COL15A1: variants seen among roughly 807,000 people sequenced by gnomAD.
The protein encoded by COL15A1 is collagen alpha-1(XV) chain.
Under a neutral mutation model 165.9 loss-of-function variants are expected in COL15A1, and 111 were observed. That is an observed-to-expected ratio of 0.67 (90% CI 0.57 to 0.78). The LOEUF (loss-of-function observed/expected upper bound fraction) is 0.78. Ranked by LOEUF, COL15A1 falls within the 30% of genes least tolerant of loss-of-function variation. The pLI, the probability that COL15A1 is intolerant of heterozygous loss-of-function variation, is 0.00. For synonymous variants in COL15A1, 659 were observed against 674.8 expected, an observed-to-expected ratio of 0.98 and a Z score of 0.36; for missense variants, 1,745 against 1,789.7, an observed-to-expected ratio of 0.98 and a Z score of 0.45.
chr9:99,028,039 C>T (rs2119027886), intron 16 of COL15A1, among the ~76,000 whole-genome samples: 1 of 152,314 alleles, frequency 6.6e-6, no homozygotes, highest in East Asian at 1.9e-4. Flanking sequence ...TGCATACCTC[C>T]AGTGACAAGG....
chr9:99,025,872 G>A, intron 15 of COL15A1, 32 bp from the exon 16 acceptor site: 1 of 1,607,548 alleles, frequency 6.2e-7, no homozygotes, highest in Non-Finnish European at 8.5e-7. Context: ...TAGCAGAAAT[G>A]TTGTGGGTTG....
chr9:99,058,837 C>A (rs1396778262), intron 35 of COL15A1, among the ~76,000 whole-genome samples: 2 of 152,136 alleles, frequency 1.3e-5, no homozygotes, highest in African/African-American at 4.8e-5. Flanking sequence ...CATTTGCCAC[C>A]TGTGTGTGGG....
At chr9:98,951,390 A>G (rs562975382) in intron 2 of COL15A1, among the ~76,000 whole-genome samples, 9 of 152,170 alleles carry the variant, frequency 5.9e-5, no homozygotes, top group African/African-American at 2.2e-4. Flanking sequence ...AATTGCCCTC[A>G]CTGGGTTCTC....
intron 34 of COL15A1, 137 bp downstream of exon 34, chr9:99,055,509 C>A: frequency 1.6e-6 from 1 of 624,474 alleles, no homozygotes; most frequent in Admixed American, 2.9e-5. Flanking sequence ...CAGCTCTTTC[C>A]CCATCCTTGT....
rs1036438366 is a variant in COL15A1, at chr9:99,007,519, T to A, written c.1353+2469T>A. Among the ~76,000 whole-genome samples, 3 of 152,152 alleles carry A rather than the reference T, an allele frequency of 2.0e-5. No individual in the cohort carries two copies. The East Asian group carries it at 5.8e-4, about 29-fold the overall frequency. Reference sequence around the variant, plus strand: ...CTAGGAGGGTTTATTCCTAGACAGGTAGGTCCCATGTTATTAGGAAAGTTC... The same window carrying A: ...CTAGGAGGGTTTATTCCTAGACAGGAAGGTCCCATGTTATTAGGAAAGTTC... On this transcript the variant is annotated intron_variant, in intron 9 of 41. Coordinates refer to ENST00000375001, the MANE Select transcript of COL15A1 (RefSeq NM_001855.5).
At chr9:98,965,326 G>C (rs1330041801) in intron 2 of COL15A1, among the ~76,000 whole-genome samples, 1 of 152,176 alleles carries the variant, frequency 6.6e-6, no homozygotes, top group Non-Finnish European at 1.5e-5. Flanking sequence ...AAAAAGAATT[G>C]AGAGTAGCAA....
chr9:98,989,472 C>G (rs1474009368), intron 5 of COL15A1, among the ~76,000 whole-genome samples: 1 of 152,208 alleles, frequency 6.6e-6, no homozygotes, highest in African/African-American at 2.4e-5. Flanking sequence ...CAGTGCCACC[C>G]TGTGTGTGGC....
At chr9:99,060,256 A>ATTTT (rs57568579) in intron 36 of COL15A1, among the ~76,000 whole-genome samples, 16 of 137,162 alleles carry the variant, frequency 1.2e-4, no homozygotes, top group African/African-American at 4.5e-4. Context: ...ATATATATAT[A>ATTTT]TTTTTTTTTT....
chr9:99,061,929 C>T, intron 36 of COL15A1, 42 bp from the exon 37 acceptor site: 1 of 1,590,974 alleles, frequency 6.3e-7, no homozygotes. Flanking sequence ...TGCCATTCCT[C>T]TAATGATAAT....
At position 98,989,334 on chromosome 9, in the gene COL15A1, G is replaced by A. The variant is rs148206333; in HGVS notation, c.804+76G>A. 7.6e-3 allele frequency: 9,138 copies of A among 1,206,812 alleles called. 56 individuals are homozygous for A. Among genetic ancestry groups the A allele is most frequent in the Non-Finnish European group, 9.2e-3 (7,698 of 833,854 alleles). The allele number at this position is 1,206,812 out of a possible 1,614,324, so 74.8% of individuals were successfully genotyped here. ...TGAGAATTACTAGAGGGGGCCCAGA[G>A]TCCTGGGTCTGACCTCTTTGTTTCC... On this transcript the variant is annotated intron_variant, in intron 5 of 41. Coordinates refer to ENST00000375001, the MANE Select transcript of COL15A1 (RefSeq NM_001855.5).
intron 2 of COL15A1, among the ~76,000 whole-genome samples, chr9:98,954,738 G>A (rs972084630): frequency 1.3e-5 from 2 of 152,136 alleles, no homozygotes; most frequent in African/African-American, 4.8e-5. Flanking sequence ...GTTCAGACAG[G>A]CAATAATAAT....
At chr9:99,017,673 C>T (rs1838959189) in intron 11 of COL15A1, among the ~76,000 whole-genome samples, 1 of 152,076 alleles carries the variant, frequency 6.6e-6, no homozygotes, top group Non-Finnish European at 1.5e-5. Context: ...TCTGGATTGA[C>T]CCGCTCATGC....
chr9:99,019,501 C>T (rs1257679389), intron 11 of COL15A1, among the ~76,000 whole-genome samples: 1 of 151,916 alleles, frequency 6.6e-6, no homozygotes, highest in African/African-American at 2.4e-5. Flanking sequence ...AGGCGTGAGC[C>T]GCTGCACCCG....
chr9:98,954,424 T>A (rs1179330144), intron 2 of COL15A1, among the ~76,000 whole-genome samples: 1 of 152,176 alleles, frequency 6.6e-6, no homozygotes, highest in African/African-American at 2.4e-5. Flanking sequence ...TTCTGTACAT[T>A]GCATTTAGTG....
At chr9:98,956,239 G>A (rs1210714012) in intron 2 of COL15A1, among the ~76,000 whole-genome samples, 1 of 152,234 alleles carries the variant, frequency 6.6e-6, no homozygotes, top group Admixed American at 6.5e-5. Context: ...CCAAGAGGCA[G>A]AGGTGGCAGT....
intron 40 of COL15A1, 63 bp downstream of exon 40, chr9:99,067,130 A>G: frequency 7.2e-7 from 1 of 1,386,316 alleles, no homozygotes; most frequent in Non-Finnish European, 1.0e-6. Flanking sequence ...GCCTGGAGGC[A>G]GTTTTCATTC....
In COL15A1 at chr9:99,066,920, C is replaced by A. The variant is rs929517072; in HGVS notation, c.3690C>A (p.Asp1230Glu). 1.1e-5 allele frequency: 18 copies of A among 1,613,862 alleles called. No homozygotes were observed. Among genetic ancestry groups the A allele is most frequent in the Non-Finnish European group, 1.5e-5 (18 of 1,179,988 alleles). Residue 1230 changes from aspartate (D) to glutamate (E), a missense_variant, in exon 40 of 42, where the codon GAC (aspartate) becomes GAA (glutamate). Asp to Glu is a conservative substitution (Grantham distance 45). Coordinates refer to ENST00000375001, the MANE Select transcript of COL15A1 (RefSeq NM_001855.5). ...LAALNMPFSG[D>E]IRADFQCFKQ... ...CTCTGAACATGCCATTTTCTGGGGA[C>A]ATTCGAGCTGATTTTCAGTGCTTCA...
chr9:99,034,612 A>T, intron 17 of COL15A1, 28 bp downstream of exon 17: 1 of 1,428,436 alleles, frequency 7.0e-7, no homozygotes, highest in African/African-American at 1.9e-5. Context: ...AAAAAAAAAA[A>T]AAGAACTTTC....
chr9:99,036,248 C>T (rs1839299682), intron 20 of COL15A1, 43 bp downstream of exon 20: 2 of 1,613,598 alleles, frequency 1.2e-6, no homozygotes, highest in Non-Finnish European at 1.7e-6. Context: ...GGCTTTCCAG[C>T]CTGGTTCTGG....
Sources: allele counts gnomAD v4.1 joint callset (sites outside exome capture counted in the v4.1 genomes callset), GRCh38; gene constraint gnomAD v4.1.1; transcripts MANE v1.5; gene names NCBI Gene and HGNC (gene_info 2026-07-23, HGNC 2026-07-21).